TRPC6: variants seen among roughly 807,000 people sequenced by gnomAD.
TRPC6 encodes the protein short transient receptor potential channel 6.
In TRPC6, 55 loss-of-function variants were observed where a neutral mutation model predicts 90.7. The observed-to-expected ratio is 0.61, with a 90% CI of 0.49 to 0.76. The LOEUF (loss-of-function observed/expected upper bound fraction) is 0.76. Ranked by LOEUF, TRPC6 falls within the 30% of genes least tolerant of loss-of-function variation. The pLI is 0.00. For synonymous variants in TRPC6, 393 were observed against 393.0 expected (o/e 1.00, Z 0.00); for missense variants, 989 against 1,122.7 (o/e 0.88, Z 1.70).
intron 1 of TRPC6, among the ~76,000 whole-genome samples, chr11:101,558,796 T>C (rs1861647681): frequency 2.0e-5 from 3 of 152,142 alleles, no homozygotes; most frequent in Admixed American, 2.0e-4. Context: ...ATAAATGGTG[T>C]TCAGAAAACT....
intron 1 of TRPC6, among the ~76,000 whole-genome samples, chr11:101,529,836 T>C (rs1431620702): frequency 6.6e-6 from 1 of 152,194 alleles, no homozygotes; most frequent in Non-Finnish European, 1.5e-5. Context: ...AATTCTGGTA[T>C]AGGCCAAAAC....
chr11:101,468,734 T>C (rs1167081731), intron 10 of TRPC6, among the ~76,000 whole-genome samples: 2 of 152,332 alleles, frequency 1.3e-5, no homozygotes, highest in African/African-American at 4.8e-5. Context: ...GGGAGTTAAA[T>C]GAGACAGGGG....
intron 1 of TRPC6, among the ~76,000 whole-genome samples, chr11:101,563,148 C>G (rs949969339): frequency 1.7e-4 from 26 of 152,246 alleles, no homozygotes; most frequent in African/African-American, 5.3e-4. Flanking sequence ...TTCGAGTGCT[C>G]AATACCGGTG....
rs1565206794 is a variant in TRPC6, at chr11:101,471,325, TC to T, written c.2266del (p.Glu756ArgfsTer23). The T allele has an allele frequency of 1.2e-6, 2 of 1,613,938 alleles. No homozygotes were observed. Among genetic ancestry groups the T allele is most frequent in the Non-Finnish European group, 1.7e-6 (2 of 1,179,880 alleles). The part of the protein sequence containing the change: ...RAKLWFSYFE[E>X]GRTLPVPFNL... Reference sequence around the variant, plus strand: ...GAAGGGTACAGGAAGTGTTCTGCCCTCCTCAAAGTAGGAAAACCAGAGTTTG... The same window carrying T: ...GAAGGGTACAGGAAGTGTTCTGCCCTCTCAAAGTAGGAAAACCAGAGTTTG... On this transcript the variant is annotated frameshift_variant, in exon 9 of 13. Coordinates refer to ENST00000344327, the MANE Select transcript of TRPC6 (RefSeq NM_004621.6). LOFTEE classifies it high-confidence loss of function.
In TRPC6 at chr11:101,478,407, G is replaced by T. The variant is rs556085265; in HGVS notation, c.1511-1873C>A. On this transcript the variant is annotated intron_variant, in intron 5 of 12. Transcript: ENST00000344327. ...GTCAGCCTCACGAGGAGATGCGGAT[G>T]GTTCAGAGTAACAAGCATGGGGACT... Among the ~76,000 whole-genome samples, 309 of 152,168 alleles carry T rather than the reference G, an allele frequency of 2.0e-3. 1 individual carries two copies. Among genetic ancestry groups the T allele is most frequent in the South Asian group, 4.2e-3 (20 of 4,810 alleles).
chr11:101,504,585 A>G lies in TRPC6; in HGVS notation c.384T>C (p.Cys128=). 6.2e-7 allele frequency: 1 copy of G among 1,614,088 alleles called. No individual in the cohort carries two copies. The highest frequency in any genetic ancestry group is 8.5e-7 in the Non-Finnish European group (1 of 1,179,978). The change falls in exon 2 of 13, where the codon TGT becomes TGC. Residue 128 remains cysteine (C), a synonymous_variant. Coordinates refer to ENST00000344327, the MANE Select transcript of TRPC6 (RefSeq NM_004621.6). ...LEECHSLNVN[C]VDYMGQNALQ... ...GGGCATTCTGGCCCATGTAATCCACACAGTTAACGTTGAGTGAGTGGCATT... is the reference window on the plus strand; with the variant it reads ...GGGCATTCTGGCCCATGTAATCCACGCAGTTAACGTTGAGTGAGTGGCATT...
intron 1 of TRPC6, among the ~76,000 whole-genome samples, chr11:101,539,141 T>C: frequency 6.6e-6 from 1 of 152,220 alleles, no homozygotes; most frequent in Non-Finnish European, 1.5e-5. Flanking sequence ...TTGAATGTTT[T>C]TCGTTTCTTT....
chr11:101,559,631 TTTTC>T (rs954340584), intron 1 of TRPC6, among the ~76,000 whole-genome samples: 1 of 123,066 alleles, frequency 8.1e-6, no homozygotes. Flanking sequence ...CTATAATGTC[TTTTC>T]TTTTTTTTTT....
chr11:101,556,386 G>C (rs1009287796), intron 1 of TRPC6, among the ~76,000 whole-genome samples: 1 of 151,914 alleles, frequency 6.6e-6, no homozygotes, highest in African/African-American at 2.4e-5. Flanking sequence ...CATTAAAACT[G>C]ATACCACAGA....
rs1565254066 is a variant in TRPC6, at chr11:101,576,986, C to T, written c.170+6348G>A. ...AGCCAGGGGAGGTTTCAACACAAAA[C>T]AGGTCATTTCCATGCAGAATACAGA... On this transcript the variant is annotated intron_variant, in intron 1 of 12. Transcript: ENST00000344327. 2.6e-5 allele frequency among the ~76,000 whole-genome samples: 4 copies of T among 152,196 alleles called. No individual in the cohort carries two copies. The South Asian group carries it at 8.3e-4, about 32-fold the overall frequency.
intron 9 of TRPC6, among the ~76,000 whole-genome samples, chr11:101,470,672 G>C (rs1859267554): frequency 6.6e-6 from 1 of 152,024 alleles, no homozygotes; most frequent in Non-Finnish European, 1.5e-5. Context: ...TGGGATTACT[G>C]TTTTCAATCA....
At chr11:101,530,444 C>T (rs1367394008) in intron 1 of TRPC6, among the ~76,000 whole-genome samples, 1 of 152,116 alleles carries the variant, frequency 6.6e-6, no homozygotes, top group Non-Finnish European at 1.5e-5. Flanking sequence ...CCTCCAGAGG[C>T]AGGTCTGAGA....
chr11:101,502,000 C>CA (rs1860138542), intron 2 of TRPC6, among the ~76,000 whole-genome samples: 1 of 152,018 alleles, frequency 6.6e-6, no homozygotes, highest in Admixed American at 6.6e-5. Context: ...AGGGCATTAG[C>CA]AAAAAGGTAT....
intron 1 of TRPC6, among the ~76,000 whole-genome samples, chr11:101,522,725 A>C (rs1591108648): frequency 6.6e-6 from 1 of 152,202 alleles, no homozygotes; most frequent in Non-Finnish European, 1.5e-5. Context: ...CCCAGTGCAT[A>C]AAACAGGGCC....
At chr11:101,562,094 C>G (rs4281451) in intron 1 of TRPC6, among the ~76,000 whole-genome samples, 1 of 151,992 alleles carries the variant, frequency 6.6e-6, no homozygotes, top group Admixed American at 6.6e-5. Context: ...TCCTGGGAAA[C>G]TAAAAATTCA....
chr11:101,505,437 G>C (rs1860237646), intron 1 of TRPC6, among the ~76,000 whole-genome samples: 1 of 152,152 alleles, frequency 6.6e-6, no homozygotes, highest in African/African-American at 2.4e-5. Context: ...ATGACAAGCT[G>C]AAAATGGAAG....
intron 1 of TRPC6, among the ~76,000 whole-genome samples, chr11:101,581,778 G>C (rs1038470608): frequency 2.0e-5 from 3 of 152,026 alleles, no homozygotes; most frequent in Non-Finnish European, 4.4e-5. Flanking sequence ...GGTGGTCCAC[G>C]GACTAGCAAC....
chr11:101,499,172 T>C (rs1243059110), intron 2 of TRPC6, among the ~76,000 whole-genome samples: 2 of 152,202 alleles, frequency 1.3e-5, no homozygotes, highest in African/African-American at 4.8e-5. Flanking sequence ...AAACAATGCT[T>C]TGTCATGTAT....
intron 1 of TRPC6, among the ~76,000 whole-genome samples, chr11:101,562,382 A>G (rs1434819404): frequency 6.6e-6 from 1 of 151,376 alleles, no homozygotes; most frequent in Non-Finnish European, 1.5e-5. Context: ...ACAGTCCTCA[A>G]AAAGCTTATG....
Sources: allele counts gnomAD v4.1 joint callset (sites outside exome capture counted in the v4.1 genomes callset), GRCh38; gene constraint gnomAD v4.1.1; transcripts MANE v1.5; gene names NCBI Gene and HGNC (gene_info 2026-07-23, HGNC 2026-07-21).